Variants in ARHGEF28 observed in about 807,000 individuals in gnomAD.
ARHGEF28 encodes the protein 190 kDa guanine nucleotide exchange factor.
In ARHGEF28, 152 loss-of-function variants were observed where a neutral mutation model predicts 206.6. That is an observed-to-expected ratio of 0.74 (90% CI 0.64 to 0.84). The LOEUF is 0.84. Ranked by LOEUF, ARHGEF28 falls within the 40% of genes least tolerant of loss-of-function variation. The pLI, the probability that ARHGEF28 is intolerant of heterozygous loss-of-function variation, is 0.00. For synonymous variants in ARHGEF28, 763 were observed against 776.4 expected (o/e 0.98, Z 0.29); for missense variants, 2,028 against 2,073.2 (o/e 0.98, Z 0.42).
At chr5:73,713,923 T>A (rs7737432) in intron 2 of ARHGEF28, among the ~76,000 whole-genome samples, 34,080 of 152,110 alleles carry the variant, frequency 0.22, 4,073 homozygotes, top group African/African-American at 0.26. Context: ...TGCAAATAGA[T>A]GTCTTTAAAC....
intron 9 of ARHGEF28, among the ~76,000 whole-genome samples, chr5:73,801,500 G>A (rs532213187): frequency 6.6e-6 from 1 of 151,346 alleles, no homozygotes; most frequent in Admixed American, 6.5e-5. Flanking sequence ...TCTTAAGCAT[G>A]GCATCTTAGA....
At chr5:73,681,258 A>C (rs570791049) in intron 1 of ARHGEF28, among the ~76,000 whole-genome samples, 1 of 152,304 alleles carries the variant, frequency 6.6e-6, no homozygotes, top group South Asian at 2.1e-4. Context: ...TAATATCTTG[A>C]AGTGCAGCAG....
chr5:73,932,140 T>C (rs111539737), intron 35 of ARHGEF28, among the ~76,000 whole-genome samples: 19 of 152,328 alleles, frequency 1.2e-4, no homozygotes, highest in African/African-American at 4.6e-4. Context: ...GCCCAAGTAT[T>C]ATGTTGGAAA....
At chr5:73,651,670 AT>A (rs147532714) in intron 1 of ARHGEF28, among the ~76,000 whole-genome samples, 2 of 152,064 alleles carry the variant, frequency 1.3e-5, no homozygotes, top group African/African-American at 2.4e-5. Flanking sequence ...TACATTACTA[AT>A]TTTTTTATGT....
rs1411247508 is a variant in ARHGEF28 at position 73,941,834 on chromosome 5, T to TTAAG, written c.*823_*826dup. The TTAAG allele has an allele frequency of 2.0e-4, 30 of 152,138 alleles. No homozygotes were observed. The highest frequency in any genetic ancestry group is 2.0e-3 in the Admixed American group (30 of 15,266). The allele number at this position is 152,138 out of a possible 1,614,324, so 9.4% of individuals were successfully genotyped here. On this transcript the variant is annotated 3_prime_UTR_variant, in exon 36 of 36. Transcript: ENST00000513042. ...TAAGGACAAAACTGCCCACTCCTCATTAAGTTTGCTGCCTGGATACACTTT... is the reference window on the plus strand; with the variant it reads ...TAAGGACAAAACTGCCCACTCCTCATTAAGTAAGTTTGCTGCCTGGATACACTTT...
intron 1 of ARHGEF28, among the ~76,000 whole-genome samples, chr5:73,629,899 G>A (rs950898610): frequency 1.3e-5 from 2 of 152,322 alleles, no homozygotes; most frequent in South Asian, 2.1e-4. Context: ...TAACATACAA[G>A]CGATGTTCTC....
intron 11 of ARHGEF28, among the ~76,000 whole-genome samples, chr5:73,842,277 A>G (rs955017113): frequency 6.6e-6 from 1 of 152,214 alleles, no homozygotes; most frequent in African/African-American, 2.4e-5. Context: ...ATATGTGACT[A>G]TGTATATAAA....
chr5:73,827,028 T>C (rs1756956475), intron 9 of ARHGEF28, among the ~76,000 whole-genome samples: 1 of 152,214 alleles, frequency 6.6e-6, no homozygotes, highest in African/African-American at 2.4e-5. Flanking sequence ...AAATCTTGCC[T>C]TTGTTCTTGA....
intron 3 of ARHGEF28, 83 bp downstream of exon 3, chr5:73,750,067 A>G: frequency 6.6e-7 from 1 of 1,524,316 alleles, no homozygotes; most frequent in Non-Finnish European, 8.8e-7. Context: ...GAAGAGAGCC[A>G]GGAAGAAAAA....
intron 1 of ARHGEF28, among the ~76,000 whole-genome samples, chr5:73,662,230 CTT>C (rs772902271): frequency 3.9e-5 from 6 of 152,158 alleles, no homozygotes; most frequent in Non-Finnish European, 8.8e-5. Flanking sequence ...TTTCTAGTGT[CTT>C]TATAATAGTG....
chr5:73,900,355 G>A (rs1425015985), intron 30 of ARHGEF28: 1 of 152,138 alleles, frequency 6.6e-6, no homozygotes, highest in Non-Finnish European at 1.5e-5. Context: ...CACTGTTTTG[G>A]GCTTTGAAAA....
At chr5:73,780,769 A>G in intron 7 of ARHGEF28, 24 bp downstream of exon 7, 1 of 1,551,380 alleles carries the variant, frequency 6.4e-7, no homozygotes, top group Non-Finnish European at 8.7e-7. Flanking sequence ...TTTCCCACTT[A>G]TGGCAGCCAC....
chr5:73,777,247 CTCT>C (rs1561396733), intron 6 of ARHGEF28, among the ~76,000 whole-genome samples: 4 of 150,174 alleles, frequency 2.7e-5, no homozygotes, highest in African/African-American at 9.9e-5. Context: ...AACTTTATCT[CTCT>C]TTTTTTTTTT....
chr5:73,885,846 G>T lies in ARHGEF28; in HGVS notation c.3056-4G>T, dbSNP rs369604513. On this transcript the variant is annotated splice_region_variant and splice_polypyrimidine_tract_variant and intron_variant, in intron 24 of 35. Coordinates refer to ENST00000513042, the MANE Select transcript of ARHGEF28 (RefSeq NM_001177693.2). ...TTGTTTGTTTGTTTCTTTTTCCCAC[G>T]CAGAAAGAACTGAGGAACATAAAGA... is the stretch of plus-strand genomic sequence containing the variant. The T allele has an allele frequency of 3.8e-6, 6 of 1,593,496 alleles. No homozygotes were observed. Among genetic ancestry groups the T allele is most frequent in the East Asian group, 4.5e-5 (2 of 44,674 alleles).
intron 33 of ARHGEF28, among the ~76,000 whole-genome samples, chr5:73,906,237 TTTTA>T (rs1480681401): frequency 2.6e-5 from 4 of 152,206 alleles, no homozygotes; most frequent in Non-Finnish European, 5.9e-5. Flanking sequence ...GCTTTTATTT[TTTTA>T]TTTATTTATT....
chr5:73,829,613 C>CACA (rs1757165748), intron 9 of ARHGEF28, among the ~76,000 whole-genome samples: 2 of 152,058 alleles, frequency 1.3e-5, no homozygotes. Flanking sequence ...ATCTCCTGAC[C>CACA]TTGTGATCTG....
chr5:73,847,781 A>G (rs556840869), intron 12 of ARHGEF28, among the ~76,000 whole-genome samples: 2 of 152,318 alleles, frequency 1.3e-5, no homozygotes, highest in Admixed American at 6.5e-5. Context: ...AATGGTTACC[A>G]CGTATACATG....
At chr5:73,817,515 C>G (rs552451483) in intron 9 of ARHGEF28, among the ~76,000 whole-genome samples, 1 of 152,256 alleles carries the variant, frequency 6.6e-6, no homozygotes, top group East Asian at 1.9e-4. Context: ...CTGAGTTTTA[C>G]AGTTATTCCC....
intron 9 of ARHGEF28, among the ~76,000 whole-genome samples, chr5:73,820,238 G>T (rs555272197): frequency 1.8e-4 from 27 of 152,228 alleles, no homozygotes; most frequent in African/African-American, 6.5e-4. Context: ...TAGAAAACTT[G>T]GTCTGATACA....
Sources: allele counts gnomAD v4.1 joint callset (sites outside exome capture counted in the v4.1 genomes callset), GRCh38; gene constraint gnomAD v4.1.1; transcripts MANE v1.5; gene names NCBI Gene and HGNC (gene_info 2026-07-23, HGNC 2026-07-21).